The following LDHB variants were observed in gnomAD, a reference collection of about 807,000 sequenced individuals.
LDHB encodes the protein L-lactate dehydrogenase B chain.
LDHB carries 18 observed loss-of-function variants against 33.4 expected under a neutral mutation model. That is an observed-to-expected ratio of 0.54 (90% CI 0.37 to 0.80). The LOEUF (loss-of-function observed/expected upper bound fraction) is 0.80, where lower values mean the gene tolerates loss of function less well. LDHB is among the 30% of genes least tolerant of loss of function. The pLI is 0.00. For synonymous variants in LDHB, 121 were observed against 140.6 expected, an observed-to-expected ratio of 0.86 and a Z score of 0.98; for missense variants, 345 against 407.9, an observed-to-expected ratio of 0.85 and a Z score of 1.33.
In LDHB at chr12:21,644,061, C is replaced by A; in HGVS notation, c.295G>T (p.Val99Phe). Reference protein sequence around the residue: ...NSKIVVVTAGVRQQEGESRLN... With the variant: ...NSKIVVVTAGFRQQEGESRLN... ...CGACTCTCCCCTTCTTGCTGACGGA[C>A]TCCTGCAGTTACCACTACAATCTTA... Residue 99 changes from valine (V) to phenylalanine (F), a missense_variant, in exon 4 of 8, where the codon GTC becomes TTC. Physicochemically the swap from Val to Phe is conservative, Grantham distance 50. Coordinates refer to ENST00000350669, the MANE Select transcript of LDHB (RefSeq NM_002300.8). 1 of 1,613,484 alleles carries A rather than the reference C, an allele frequency of 6.2e-7. No homozygotes were observed. Among genetic ancestry groups the A allele is most frequent in the Non-Finnish European group, 8.5e-7 (1 of 1,179,450 alleles).
At chr12:21,649,738 C>G (rs547042194) in intron 2 of LDHB, among the ~76,000 whole-genome samples, 1 of 152,208 alleles carries the variant, frequency 6.6e-6, no homozygotes, top group East Asian at 1.9e-4. Flanking sequence ...CTGCCTCTTC[C>G]TCCTCCTAAG....
chr12:21,637,482 T>C, intron 6 of LDHB: 2 of 290,994 alleles, frequency 6.9e-6, no homozygotes, highest in East Asian at 7.7e-5. Context: ...TTTCCAATCA[T>C]TGTAACAAAT....
intron 4 of LDHB, among the ~76,000 whole-genome samples, chr12:21,642,838 A>C (rs114899517): frequency 6.6e-6 from 1 of 152,320 alleles, no homozygotes; most frequent in East Asian, 1.9e-4. Context: ...GACAATGGCT[A>C]AGATAATTCA....
chr12:21,640,813 G>A (rs1425724693), intron 5 of LDHB, among the ~76,000 whole-genome samples: 1 of 151,792 alleles, frequency 6.6e-6, no homozygotes, highest in African/African-American at 2.4e-5. Context: ...GTGCAAGACA[G>A]TGCTCAAAAA....
At chr12:21,639,786 AAGAG>A in intron 5 of LDHB, among the ~76,000 whole-genome samples, 1 of 152,032 alleles carries the variant, frequency 6.6e-6, no homozygotes, top group Non-Finnish European at 1.5e-5. Flanking sequence ...TAATCTGATC[AAGAG>A]AGACACATAG....
chr12:21,643,950 CAAT>C lies in LDHB; in HGVS notation c.403_405del (p.Ile135del), dbSNP rs1321664766. 1.2e-6 allele frequency: 2 copies of C among 1,611,224 alleles called. No individual in the cohort carries two copies. Among genetic ancestry groups the C allele is most frequent in the Non-Finnish European group, 1.7e-6 (2 of 1,177,598 alleles). Reference sequence around the variant, plus strand: ...ACAATAATACCTGGGTTGGAAACCACAATTATGATGCAATCAGGACTGTACTTG... The same window carrying C: ...ACAATAATACCTGGGTTGGAAACCACTATGATGCAATCAGGACTGTACTTG... On this transcript the variant is annotated inframe_deletion, in exon 4 of 8. Transcript: ENST00000350669.
At chr12:21,644,660 T>C (rs962946) in intron 3 of LDHB, among the ~76,000 whole-genome samples, 143,603 of 151,940 alleles carry the variant, frequency 0.95, 68,363 homozygotes, top group East Asian at 1. Flanking sequence ...TCGAAATATA[T>C]GGATATTGCG....
chr12:21,637,617 A>G (rs528308611), intron 6 of LDHB, among the ~76,000 whole-genome samples: 2 of 152,228 alleles, frequency 1.3e-5, no homozygotes, highest in African/African-American at 2.4e-5. Flanking sequence ...AATAAAAGGG[A>G]TAAGAGTATC....
chr12:21,653,197 G>A (rs1938743158), intron 2 of LDHB, among the ~76,000 whole-genome samples: 1 of 152,312 alleles, frequency 6.6e-6, no homozygotes, highest in East Asian at 1.9e-4. Flanking sequence ...GCCTATGGAG[G>A]TATGTAAGAA....
chr12:21,636,334 CAAG>C (rs1163625358), intron 7 of LDHB, among the ~76,000 whole-genome samples: 1 of 147,948 alleles, frequency 6.8e-6, no homozygotes, highest in African/African-American at 2.5e-5. Context: ...TTGGAATACC[CAAG>C]AATTGCTAAA....
intron 4 of LDHB, among the ~76,000 whole-genome samples, chr12:21,643,144 C>T (rs1938418062): frequency 1.3e-5 from 2 of 152,218 alleles, no homozygotes; most frequent in African/African-American, 2.4e-5. Context: ...TCCTTGCTGG[C>T]TCTCAACTCT....
At chr12:21,655,322 A>T (rs1938809447) in intron 1 of LDHB, among the ~76,000 whole-genome samples, 1 of 152,182 alleles carries the variant, frequency 6.6e-6, no homozygotes, top group Non-Finnish European at 1.5e-5. Flanking sequence ...TTCCTCTATT[A>T]AGAATGTATA....
At chr12:21,653,639 TACAC>T (rs906917419) in intron 2 of LDHB, among the ~76,000 whole-genome samples, 10 of 130,496 alleles carry the variant, frequency 7.7e-5, no homozygotes, top group African/African-American at 2.9e-4. Flanking sequence ...CCTATGAACA[TACAC>T]ATATATATAT....
chr12:21,642,695 C>G (rs759933), intron 4 of LDHB, among the ~76,000 whole-genome samples: 147,865 of 152,296 alleles, frequency 0.97, 71,944 homozygotes, highest in Middle Eastern at 1. Flanking sequence ...AAACCACAGA[C>G]ATAAAACTTT....
intron 7 of LDHB, among the ~76,000 whole-genome samples, chr12:21,635,963 C>T (rs946993898): frequency 9.9e-5 from 15 of 152,046 alleles, no homozygotes; most frequent in African/African-American, 3.6e-4. Flanking sequence ...TGAACTCATT[C>T]CCTAATCTAA....
At chr12:21,649,678 A>AG (rs1938625160) in intron 2 of LDHB, among the ~76,000 whole-genome samples, 1 of 151,720 alleles carries the variant, frequency 6.6e-6, no homozygotes, top group Non-Finnish European at 1.5e-5. Flanking sequence ...CAGACTTAAA[A>AG]AAAGGCTTTT....
intron 1 of LDHB, chr12:21,656,840 T>G (rs2136987704): frequency 6.6e-6 from 1 of 152,328 alleles, no homozygotes; most frequent in South Asian, 2.1e-4. Context: ...GTCTCCTCAC[T>G]GCTGTGGATA....
chr12:21,650,079 G>C (rs1281976053), intron 2 of LDHB, among the ~76,000 whole-genome samples: 1 of 121,330 alleles, frequency 8.2e-6, no homozygotes, highest in Non-Finnish European at 1.7e-5. Context: ...GTGACAGTAA[G>C]ACTCTCTCTC....
intron 1 of LDHB, among the ~76,000 whole-genome samples, chr12:21,655,103 G>C (rs1191762946): frequency 1.3e-5 from 2 of 151,984 alleles, no homozygotes; most frequent in African/African-American, 4.8e-5. Flanking sequence ...CCTGGCAACA[G>C]AGCGATTCCG....
Sources: allele counts gnomAD v4.1 joint callset (sites outside exome capture counted in the v4.1 genomes callset), GRCh38; gene constraint gnomAD v4.1.1; transcripts MANE v1.5; gene names NCBI Gene and HGNC (gene_info 2026-07-23, HGNC 2026-07-21).